Variants in COBLL1 observed in about 807,000 individuals in gnomAD.
COBLL1 encodes cordon-bleu protein-like 1.
A neutral mutation model predicts 94.8 loss-of-function variants in COBLL1; 50 were observed. The ratio of observed to expected loss-of-function variants is 0.53; its 90% CI spans 0.42 to 0.67. The LOEUF (loss-of-function observed/expected upper bound fraction) is 0.67, where lower values mean the gene tolerates loss of function less well. COBLL1 is among the 30% of genes least tolerant of loss of function. The pLI is 0.00. For synonymous variants in COBLL1, 448 were observed against 473.8 expected, an observed-to-expected ratio of 0.95 and a Z score of 0.71; for missense variants, 1,362 against 1,348.7, an observed-to-expected ratio of 1.01 and a Z score of -0.15.
At chr2:164,786,297 C>A (rs1465482013) in intron 2 of COBLL1, among the ~76,000 whole-genome samples, 4 of 152,116 alleles carry the variant, frequency 2.6e-5, no homozygotes, top group Non-Finnish European at 5.9e-5. Flanking sequence ...ATATAGAGTC[C>A]TGCCACAAAT....
At chr2:164,838,924 C>T (rs73968288) in intron 2 of COBLL1, among the ~76,000 whole-genome samples, 3,094 of 152,208 alleles carry the variant, frequency 0.02, 110 homozygotes, top group African/African-American at 0.071. Flanking sequence ...ATTTTTCCCC[C>T]AGTTTAAACC....
chr2:164,661,427 T>C (rs962947720), intron 2 of COBLL1, among the ~76,000 whole-genome samples: 1 of 152,128 alleles, frequency 6.6e-6, no homozygotes, highest in Admixed American at 6.5e-5. Flanking sequence ...TATGTAAGAA[T>C]AGTATTTTAC....
intron 2 of COBLL1, among the ~76,000 whole-genome samples, chr2:164,750,133 G>A (rs554856927): frequency 5.3e-4 from 81 of 152,266 alleles, no homozygotes; most frequent in African/African-American, 1.9e-3. Context: ...GTCAGTGGCC[G>A]TCAAATTTAC....
chr2:164,753,913 TG>T (rs963138572), intron 2 of COBLL1, among the ~76,000 whole-genome samples: 18 of 152,068 alleles, frequency 1.2e-4, no homozygotes, highest in African/African-American at 4.1e-4. Flanking sequence ...AGCTAATTTT[TG>T]TAGAGACAGG....
chr2:164,744,757 T>G (rs570642307), intron 2 of COBLL1, among the ~76,000 whole-genome samples: 1 of 152,316 alleles, frequency 6.6e-6, no homozygotes, highest in East Asian at 1.9e-4. Flanking sequence ...TGATGGGTTG[T>G]TTGATAAATA....
intron 7 of COBLL1, among the ~76,000 whole-genome samples, chr2:164,721,293 CTGA>C (rs760347378): frequency 9.9e-5 from 15 of 152,166 alleles, no homozygotes; most frequent in Non-Finnish European, 1.6e-4. Context: ...ATCATTCTTT[CTGA>C]TTACCAGCAA....
At chr2:164,697,176 G>A (rs1478131969) in intron 11 of COBLL1, 1 of 152,006 alleles carries the variant, frequency 6.6e-6, no homozygotes, top group African/African-American at 2.4e-5. Context: ...CAGTTATTTG[G>A]TTGTGGCAGT....
chr2:164,748,860 C>T (rs1686994432), intron 2 of COBLL1, among the ~76,000 whole-genome samples: 2 of 152,078 alleles, frequency 1.3e-5, no homozygotes, highest in Admixed American at 6.5e-5. Flanking sequence ...CAAATCATTG[C>T]TTTATTAAAA....
At chr2:164,838,979 T>G (rs949752857) in intron 2 of COBLL1, among the ~76,000 whole-genome samples, 2 of 152,338 alleles carry the variant, frequency 1.3e-5, no homozygotes, top group African/African-American at 4.8e-5. Context: ...CAATACTGAA[T>G]ATTAAATATT....
chr2:164,722,160 T>A lies in COBLL1; in HGVS notation c.911A>T (p.Gln304Leu), dbSNP rs750903766. The A allele has an allele frequency of 3.1e-6, 5 of 1,614,110 alleles. No individual in the cohort carries two copies. In the East Asian group the frequency reaches 8.9e-5, roughly 29 times the overall value. The part of the protein sequence containing the change: ...RAPLPPMPAS[Q>L]SVPQDLAHIQ... ...GTGTGCAAGGTCTTGGGGGACACTC[T>A]GAGATGCTGGCATCGGGGGCAGTGG... Residue 304 changes from glutamine to leucine, a missense_variant, in exon 7 of 14, where the codon CAG becomes CTG. Gln to Leu is a moderately radical substitution (Grantham distance 113). Coordinates refer to ENST00000652658, the MANE Select transcript of COBLL1 (RefSeq NM_001365672.2).
In COBLL1 at chr2:164,704,355, T is replaced by C. The variant is rs892398292; in HGVS notation, c.1225+89A>G. 10 of 876,046 alleles carry C rather than the reference T, an allele frequency of 1.1e-5. No homozygotes were observed. The African/African-American group carries it at 1.7e-4, about 15-fold the overall frequency. The allele number at this position is 876,046 out of a possible 1,614,324, so 54.3% of individuals were successfully genotyped here. ...GGCCAAAGAATCTGTATCTCTTTCA[T>C]GTACAAAGCATCGCAAATGGACTCA... On this transcript the variant is annotated intron_variant, in intron 9 of 13. Transcript: ENST00000652658.
rs1353981172 is a variant in COBLL1, at chr2:164,783,863, G to C, written c.42-39988C>G. ...TGCCTGTGGTCTCAGTTATTTAAGA[G>C]GCTGAAGCAGGAAGATTGCTTGAGC... is the stretch of plus-strand genomic sequence containing the variant. On this transcript the variant is annotated intron_variant, in intron 2 of 13. Coordinates refer to ENST00000652658, the MANE Select transcript of COBLL1 (RefSeq NM_001365672.2). Among the ~76,000 whole-genome samples, 4 of 152,086 alleles carry C rather than the reference G, an allele frequency of 2.6e-5. No homozygotes were observed. The East Asian group carries it at 7.7e-4, about 29-fold the overall frequency.
chr2:164,732,831 G>A (rs933000072), intron 3 of COBLL1, among the ~76,000 whole-genome samples: 18 of 152,058 alleles, frequency 1.2e-4, no homozygotes, highest in East Asian at 3.9e-4. Flanking sequence ...CGAGGCAGGC[G>A]GATCATGACG....
At chr2:164,805,349 A>ATATATATATATATT (rs1684083494) in intron 2 of COBLL1, among the ~76,000 whole-genome samples, 1 of 110,000 alleles carries the variant, frequency 9.1e-6, no homozygotes, top group African/African-American at 3.6e-5. Flanking sequence ...ATATATATAT[A>ATATATATATATATT]TATATATATA....
Position 164,826,154 on chromosome 2 carries a change from C to G in COBLL1, c.41+15002G>C, listed in dbSNP as rs886079300. 5.3e-5 allele frequency among the ~76,000 whole-genome samples: 8 copies of G among 152,192 alleles called. 1 individual carries two copies. The highest frequency in any genetic ancestry group is 1.0e-4 in the Non-Finnish European group (7 of 68,044). ...TTACATAAGAGAAAAGTGAAATATTCACCAGAATGGTGAAGCGAGGAAGTT... is the reference window on the plus strand; with the variant it reads ...TTACATAAGAGAAAAGTGAAATATTGACCAGAATGGTGAAGCGAGGAAGTT... On this transcript the variant is annotated intron_variant, in intron 2 of 13. Coordinates refer to ENST00000652658, the MANE Select transcript of COBLL1 (RefSeq NM_001365672.2).
intron 2 of COBLL1, among the ~76,000 whole-genome samples, chr2:164,820,758 C>G (rs1215920705): frequency 6.6e-6 from 1 of 152,126 alleles, no homozygotes; most frequent in Non-Finnish European, 1.5e-5. Context: ...AGGTTCGCAC[C>G]AATTTTCAGC....
chr2:164,813,655 G>A (rs1288829618), intron 2 of COBLL1, among the ~76,000 whole-genome samples: 1 of 152,078 alleles, frequency 6.6e-6, no homozygotes, highest in Non-Finnish European at 1.5e-5. Context: ...AATAAATACA[G>A]GGCTTCCAAT....
intron 2 of COBLL1, among the ~76,000 whole-genome samples, chr2:164,770,802 C>G (rs574883806): frequency 6.6e-6 from 1 of 152,184 alleles, no homozygotes; most frequent in Admixed American, 6.5e-5. Flanking sequence ...AATGTCTTAG[C>G]AAAGACTTTG....
intron 2 of COBLL1, chr2:164,779,659 C>A (rs891787170): frequency 4.2e-6 from 2 of 470,886 alleles, no homozygotes; most frequent in East Asian, 7.0e-5. Context: ...GGTCACCTTA[C>A]GGCAGGGATA....
Sources: allele counts gnomAD v4.1 joint callset (sites outside exome capture counted in the v4.1 genomes callset), GRCh38; gene constraint gnomAD v4.1.1; transcripts MANE v1.5; gene names NCBI Gene and HGNC (gene_info 2026-07-23, HGNC 2026-07-21).